Variants in CCDC198 observed in about 807,000 individuals in gnomAD.
CCDC198 encodes factor associated with metabolism and energy.
In CCDC198, 18 loss-of-function variants were observed where a neutral mutation model predicts 35.6. That is an observed-to-expected ratio of 0.51 (90% CI 0.35 to 0.75). CCDC198 has a LOEUF of 0.75. Among genes scored for constraint, CCDC198 ranks in the 30% least tolerant of loss-of-function variants. The pLI is 0.01. For missense variants in CCDC198, 365 were observed against 343.7 expected (o/e 1.06, Z -0.49); for synonymous variants, 119 against 113.4 (o/e 1.05, Z -0.31).
intron 5 of CCDC198, among the ~76,000 whole-genome samples, chr14:57,476,619 G>T (rs2067006444): frequency 6.6e-6 from 1 of 152,142 alleles, no homozygotes; most frequent in Admixed American, 6.5e-5. Context: ...GTAAAGCGTG[G>T]GAGATTTCAT....
intron 5 of CCDC198, among the ~76,000 whole-genome samples, chr14:57,472,362 T>C (rs905598100): frequency 1.3e-5 from 2 of 152,198 alleles, no homozygotes; most frequent in Admixed American, 1.3e-4. Flanking sequence ...AATGTAATGC[T>C]GACATTTTAA....
chr14:57,491,151 C>T, intron 1 of CCDC198, 80 bp from the exon 2 acceptor site: 1 of 1,409,044 alleles, frequency 7.1e-7, no homozygotes, highest in African/African-American at 1.4e-5. Flanking sequence ...AGTTACTAGA[C>T]TTTGTCAACA....
At chr14:57,489,134 C>T (rs1299136023) in intron 2 of CCDC198, among the ~76,000 whole-genome samples, 2 of 152,070 alleles carry the variant, frequency 1.3e-5, no homozygotes, top group Non-Finnish European at 2.9e-5. Flanking sequence ...ACATGCCCAC[C>T]AGTGATAAAC....
chr14:57,477,934 G>A (rs1329194503), intron 5 of CCDC198, among the ~76,000 whole-genome samples: 1 of 152,098 alleles, frequency 6.6e-6, no homozygotes, highest in Non-Finnish European at 1.5e-5. Flanking sequence ...CTGACCTCAG[G>A]TGATCTACCC....
chr14:57,479,670 A>G (rs892352561), intron 5 of CCDC198, among the ~76,000 whole-genome samples: 1 of 152,192 alleles, frequency 6.6e-6, no homozygotes, highest in Non-Finnish European at 1.5e-5. Context: ...ATTACCGAGT[A>G]GAGTTAAGAA....
intron 5 of CCDC198, among the ~76,000 whole-genome samples, chr14:57,476,262 T>C (rs2066994145): frequency 6.6e-6 from 1 of 152,186 alleles, no homozygotes; most frequent in African/African-American, 2.4e-5. Context: ...TTTCTCTCTC[T>C]AGAATAAAAT....
chr14:57,481,474 G>T, intron 4 of CCDC198, 85 bp downstream of exon 4: 1 of 891,142 alleles, frequency 1.1e-6, no homozygotes, highest in Non-Finnish European at 1.8e-6. Context: ...GTAAAGACTG[G>T]CTATCTATGC....
At chr14:57,491,943 ACT>A (rs1343475786) in intron 1 of CCDC198, among the ~76,000 whole-genome samples, 1 of 152,138 alleles carries the variant, frequency 6.6e-6, no homozygotes, top group East Asian at 1.9e-4. Flanking sequence ...GTTCTCTCTA[ACT>A]TTTAGTGGGA....
At chr14:57,484,136 C>T (rs1391324102) in intron 2 of CCDC198, among the ~76,000 whole-genome samples, 1 of 152,152 alleles carries the variant, frequency 6.6e-6, no homozygotes, top group Non-Finnish European at 1.5e-5. Flanking sequence ...ATTGTGCCTC[C>T]CCACAAAATT....
At chr14:57,490,790 C>T (rs1408154772) in intron 2 of CCDC198, among the ~76,000 whole-genome samples, 199 bp downstream of exon 2, 1 of 152,044 alleles carries the variant, frequency 6.6e-6, no homozygotes, top group African/African-American at 2.4e-5. Context: ...CTTTCGGTGG[C>T]TGGTCTTAAA....
At chr14:57,476,454 T>A (rs1406292750) in intron 5 of CCDC198, among the ~76,000 whole-genome samples, 1 of 152,132 alleles carries the variant, frequency 6.6e-6, no homozygotes, top group Non-Finnish European at 1.5e-5. Context: ...TTCATTCATG[T>A]CACAGCTTCA....
intron 4 of CCDC198, 86 bp downstream of exon 4, chr14:57,481,473 G>A: frequency 3.4e-6 from 3 of 885,580 alleles, no homozygotes; most frequent in Non-Finnish European, 5.4e-6. Flanking sequence ...AGTAAAGACT[G>A]GCTATCTATG....
At chr14:57,478,903 AC>A (rs1430841129) in intron 5 of CCDC198, 11 of 1,249,050 alleles carry the variant, frequency 8.8e-6, no homozygotes, top group Non-Finnish European at 1.0e-5. Flanking sequence ...ACCTCCAGAG[AC>A]ATAGCCAGCT....
Position 57,469,395 on chromosome 14 carries a change from C to T in CCDC198, c.*1960G>A, listed in dbSNP as rs986825521. On this transcript the variant is annotated 3_prime_UTR_variant, in exon 6 of 6. Coordinates refer to ENST00000216445, the MANE Select transcript of CCDC198 (RefSeq NM_018168.4). Reference sequence around the variant, plus strand: ...ACAAAGAAGACATGGTTTATGCCCTCATGTAGCTCACAGTTCATTAAGCTT... The same window carrying T: ...ACAAAGAAGACATGGTTTATGCCCTTATGTAGCTCACAGTTCATTAAGCTT... 4 of 152,196 alleles carry T rather than the reference C, an allele frequency of 2.6e-5. No homozygotes were observed. Among genetic ancestry groups the T allele is most frequent in the African/African-American group, 9.7e-5 (4 of 41,448 alleles). The allele number at this position is 152,196 out of a possible 1,614,324, so 9.4% of individuals were successfully genotyped here. A position where few individuals can be genotyped will look rare whatever the true frequency, so the allele number is the denominator to read the frequency against.
intron 5 of CCDC198, chr14:57,475,761 C>CCCATA: frequency 5.2e-6 from 2 of 384,388 alleles, no homozygotes; most frequent in Non-Finnish European, 5.0e-6. Context: ...TGTCTATATT[C>CCCATA]CCATACATTT....
intron 2 of CCDC198, among the ~76,000 whole-genome samples, chr14:57,486,798 T>A (rs1292101143): frequency 6.6e-6 from 1 of 152,156 alleles, no homozygotes; most frequent in Non-Finnish European, 1.5e-5. Context: ...GTTTCACAGA[T>A]CTCTTTCTTC....
At chr14:57,483,307 T>G in intron 2 of CCDC198, 156 bp from the exon 3 acceptor site, 1 of 1,122,272 alleles carries the variant, frequency 8.9e-7, no homozygotes, top group East Asian at 2.6e-5. Flanking sequence ...ACAGTTATAT[T>G]GGTACAAAGG....
intron 2 of CCDC198, among the ~76,000 whole-genome samples, chr14:57,484,892 G>C (rs533092302): frequency 6.6e-6 from 1 of 152,200 alleles, no homozygotes; most frequent in Non-Finnish European, 1.5e-5. Context: ...TATGGATGTG[G>C]AGAGATCAGC....
At chr14:57,480,359 A>G (rs1433125799) in intron 5 of CCDC198, 8 of 913,912 alleles carry the variant, frequency 8.8e-6, no homozygotes, top group Non-Finnish European at 9.2e-6. Flanking sequence ...CATGCAAAGC[A>G]TATTAAACCC....
Sources: allele counts gnomAD v4.1 joint callset (sites outside exome capture counted in the v4.1 genomes callset), GRCh38; gene constraint gnomAD v4.1.1; transcripts MANE v1.5; gene names NCBI Gene and HGNC (gene_info 2026-07-23, HGNC 2026-07-21).